PKD1L1: variants seen among roughly 807,000 people sequenced by gnomAD.
The protein encoded by PKD1L1 is polycystin-1-like protein 1.
In PKD1L1, 236 loss-of-function variants were observed where a neutral mutation model predicts 323.4. That is an observed-to-expected ratio of 0.73 (90% confidence interval 0.66 to 0.81). The LOEUF is 0.81. Among genes scored for constraint, PKD1L1 ranks in the 40% least tolerant of loss-of-function variants. The pLI, the probability that PKD1L1 is intolerant of heterozygous loss-of-function variation, is 0.00. For synonymous variants in PKD1L1, 1,344 were observed against 1,335.0 expected (o/e 1.01, Z -0.15); for missense variants, 3,320 against 3,508.0 (o/e 0.95, Z 1.35).
intron 7 of PKD1L1, among the ~76,000 whole-genome samples, chr7:47,928,879 A>C (rs1169292513): frequency 5.9e-5 from 9 of 152,198 alleles, no homozygotes; most frequent in African/African-American, 1.9e-4. Context: ...TATTTTTAGA[A>C]TTCTGCTTCT....
At chr7:47,883,391 C>G (rs936672520) in intron 19 of PKD1L1, among the ~76,000 whole-genome samples, 7 of 152,186 alleles carry the variant, frequency 4.6e-5, no homozygotes, top group Non-Finnish European at 7.3e-5. Flanking sequence ...CTAGGATCTG[C>G]TGAAATTAAA....
chr7:47,884,258 A>G (rs1786631895), intron 19 of PKD1L1, among the ~76,000 whole-genome samples: 1 of 152,174 alleles, frequency 6.6e-6, no homozygotes. Context: ...CCAGACCTGA[A>G]GGAGGAGGCT....
chr7:47,914,295 G>T (rs958325263), intron 8 of PKD1L1, among the ~76,000 whole-genome samples: 12 of 147,884 alleles, frequency 8.1e-5, no homozygotes, highest in African/African-American at 3.2e-4. Flanking sequence ...ACAAACATCT[G>T]TCATTTCAAT....
intron 38 of PKD1L1, 23 bp downstream of exon 38, chr7:47,835,110 C>A (rs749182390): frequency 6.7e-5 from 107 of 1,600,602 alleles, no homozygotes; most frequent in Non-Finnish European, 8.3e-5. Context: ...GAGAACAGGG[C>A]CATGAGGACA....
chr7:47,888,182 G>A (rs941640642), intron 16 of PKD1L1, 32 bp from the exon 17 acceptor site: 5 of 1,589,916 alleles, frequency 3.1e-6, no homozygotes, highest in Non-Finnish European at 3.4e-6. Flanking sequence ...GAGATCTTAG[G>A]AAAATAATGT....
Position 47,800,625 on chromosome 7 carries a change from A to G in PKD1L1, c.8193+24T>C, listed in dbSNP as rs768801818. On this transcript the variant is annotated intron_variant, in intron 54 of 56. Coordinates refer to ENST00000289672, the MANE Select transcript of PKD1L1 (RefSeq NM_138295.5). ...TGAAACTTTTACAAACCATAACTTGAAAGTTGGGGATGTGTTTACTTACCA... is the reference window on the plus strand; with the variant it reads ...TGAAACTTTTACAAACCATAACTTGGAAGTTGGGGATGTGTTTACTTACCA... 4 of 1,604,358 alleles carry G rather than the reference A, an allele frequency of 2.5e-6. No homozygotes were observed. In the South Asian group the frequency reaches 3.3e-5, roughly 13 times the overall value.
chr7:47,789,188 T>C (rs1480601049), intron 56 of PKD1L1, among the ~76,000 whole-genome samples: 1 of 152,232 alleles, frequency 6.6e-6, no homozygotes, highest in Admixed American at 6.5e-5. Flanking sequence ...TGCTTCTTAA[T>C]AGTTTGGTGT....
chr7:47,920,034 A>G (rs1425085350), intron 7 of PKD1L1, among the ~76,000 whole-genome samples: 2 of 152,156 alleles, frequency 1.3e-5, no homozygotes, highest in Non-Finnish European at 2.9e-5. Flanking sequence ...AAGAGAAAGG[A>G]ATAAAGGGCA....
At chr7:47,912,834 A>AAAAAG (rs1787351457) in intron 8 of PKD1L1, among the ~76,000 whole-genome samples, 1 of 151,380 alleles carries the variant, frequency 6.6e-6, no homozygotes, top group African/African-American at 2.4e-5. Flanking sequence ...AAAAAAAAAA[A>AAAAAG]AAAAGAAAAG....
the PKD1L1 span, among the ~76,000 whole-genome samples, chr7:47,957,966 A>T: frequency 6.6e-6 from 1 of 151,662 alleles, no homozygotes; most frequent in Admixed American, 6.6e-5. Flanking sequence ...AAATAAATGG[A>T]AAGTTATCCT....
chr7:47,812,638 T>C (rs917066912), intron 49 of PKD1L1, among the ~76,000 whole-genome samples: 1 of 152,162 alleles, frequency 6.6e-6, no homozygotes, highest in Non-Finnish European at 1.5e-5. Context: ...CACGGGTGGC[T>C]GTGGACAACA....
At chr7:47,948,593 A>T, upstream of PKD1L1, 2 of 638,650 alleles carry the variant, frequency 3.1e-6, no homozygotes, top group Non-Finnish European at 5.4e-6. Context: ...AAAAATCCAA[A>T]CTCCAGTAAC....
Position 47,931,116 on chromosome 7 carries a change from G to A in PKD1L1, c.725C>T (p.Thr242Ile), listed in dbSNP as rs2128755757. 1.4e-5 allele frequency: 22 copies of A among 1,614,000 alleles called. No homozygotes were observed. The highest frequency in any genetic ancestry group is 1.7e-5 in the Non-Finnish European group (20 of 1,179,906). ...TCCTTCACCGTACCTTCTGGGAGAA[G>A]TGGGAAAATGTGAAATCGGCCACAG... ...VPLWPISHFP[T>I]SPRSSHGLPP... Residue 242 changes from threonine to isoleucine, a missense_variant, in exon 6 of 57, where the codon ACT becomes ATT. By Grantham distance (89) the Thr-to-Ile change is moderately conservative. Transcript: ENST00000289672.
At position 47,946,395 on chromosome 7, in the gene PKD1L1, C is replaced by T. The variant is rs1306011416; in HGVS notation, c.44+2002G>A. Among the ~76,000 whole-genome samples, 1 of 113,730 alleles carries T rather than the reference C, an allele frequency of 8.8e-6. No homozygotes were observed. Among genetic ancestry groups the T allele is most frequent in the African/African-American group, 3.7e-5 (1 of 27,298 alleles). The allele number at this position is 113,730 out of a possible 152,430, so 74.6% of individuals were successfully genotyped here. ...CACTCACACCACACCACACTCACAC[C>T]ACACAAACACACCACACAGCATCAC... On this transcript the variant is annotated intron_variant, in intron 1 of 56. Transcript: ENST00000289672. The surrounding 1 kb of genome is among the most constrained non-coding windows in gnomAD (Gnocchi z 4.1).
chr7:47,919,948 A>G (rs893393958), intron 7 of PKD1L1, among the ~76,000 whole-genome samples: 1 of 152,164 alleles, frequency 6.6e-6, no homozygotes, highest in Non-Finnish European at 1.5e-5. Context: ...TCCCTCTGAG[A>G]ACTCGAACAA....
At chr7:47,867,834 G>C (rs1286499576) in intron 24 of PKD1L1, among the ~76,000 whole-genome samples, 1 of 151,978 alleles carries the variant, frequency 6.6e-6, no homozygotes, top group Non-Finnish European at 1.5e-5. Context: ...TATAACAAAA[G>C]AAATGTTCAA....
At chr7:47,794,306 G>C (rs1293454072) in intron 55 of PKD1L1, among the ~76,000 whole-genome samples, 2 of 152,130 alleles carry the variant, frequency 1.3e-5, no homozygotes, top group Non-Finnish European at 2.9e-5. Context: ...TAGTGGACTG[G>C]GCCCAGGTTC....
intron 15 of PKD1L1, among the ~76,000 whole-genome samples, chr7:47,891,514 A>T (rs1786818132): frequency 6.6e-6 from 1 of 152,202 alleles, no homozygotes; most frequent in Admixed American, 6.5e-5. Flanking sequence ...CAAAGGTGTC[A>T]CCTAAATGTG....
intron 41 of PKD1L1, among the ~76,000 whole-genome samples, chr7:47,832,296 G>A (rs577953928): frequency 3.3e-5 from 5 of 152,316 alleles, no homozygotes; most frequent in South Asian, 2.1e-4. Flanking sequence ...CCCAGGCCAC[G>A]TGTCCAGTTT....
Sources: gnomAD v4.1 joint callset for allele counts (sites outside exome capture counted in the v4.1 genomes callset) on GRCh38, gnomAD v4.1.1 for gene constraint, Gnocchi (gnomAD v3.1) non-coding constraint, MANE v1.5 for transcripts, NCBI Gene and HGNC (gene_info 2026-07-23, HGNC 2026-07-21) for gene names.